Variants in PRKCH observed in about 807,000 individuals in gnomAD.
PRKCH encodes protein kinase C eta, also known as protein kinase C eta type.
A neutral mutation model predicts 82.5 loss-of-function variants in PRKCH; 28 were observed. The observed-to-expected ratio is 0.34, with a 90% confidence interval of 0.25 to 0.47. PRKCH has a LOEUF of 0.47. Among genes scored for constraint, PRKCH ranks in the 20% least tolerant of loss-of-function variants. The pLI is 1.00. For synonymous variants in PRKCH, 322 were observed against 327.4 expected (o/e 0.98, Z 0.18); for missense variants, 705 against 881.8 (o/e 0.80, Z 2.54).
intron 10 of PRKCH, chr14:61,492,370 TAG>T (rs1055402924): frequency 6.6e-6 from 1 of 152,224 alleles, no homozygotes; most frequent in African/African-American, 2.4e-5. Flanking sequence ...TATAAAATAT[TAG>T]AGCCAGAGGA....
chr14:61,467,028 AG>A (rs1411620310), intron 9 of PRKCH, among the ~76,000 whole-genome samples: 5 of 152,226 alleles, frequency 3.3e-5, no homozygotes, highest in Non-Finnish European at 7.4e-5. Context: ...TTGAGTGCAA[AG>A]GAACATTCTT....
intron 3 of PRKCH, among the ~76,000 whole-genome samples, chr14:61,444,885 G>A (rs901475297): frequency 6.6e-6 from 1 of 152,248 alleles, no homozygotes; most frequent in Non-Finnish European, 1.5e-5. Flanking sequence ...GCCCTGTGCA[G>A]TAGGAACGGT....
intron 1 of PRKCH, among the ~76,000 whole-genome samples, chr14:61,277,189 G>A (rs931786142): frequency 6.6e-6 from 1 of 152,136 alleles, no homozygotes; most frequent in African/African-American, 2.4e-5. Flanking sequence ...GCAACACAGT[G>A]AGACTCTGTC....
At chr14:61,236,350 A>G (rs536645414) in intron 1 of PRKCH, among the ~76,000 whole-genome samples, 27 of 152,320 alleles carry the variant, frequency 1.8e-4, no homozygotes, top group Admixed American at 1.3e-3. Flanking sequence ...AAGTCACAGG[A>G]TGAGCTAGGA....
intron 2 of PRKCH, among the ~76,000 whole-genome samples, chr14:61,433,441 CAT>C (rs1447249104): frequency 6.6e-6 from 1 of 152,092 alleles, no homozygotes. Context: ...CAGCAGGAAA[CAT>C]ATGTTTATCT....
At chr14:61,477,260 A>G (rs904378441) in intron 9 of PRKCH, 1 of 152,238 alleles carries the variant, frequency 6.6e-6, no homozygotes, top group Non-Finnish European at 1.5e-5. Flanking sequence ...GTAAGAATAG[A>G]TGTGGCTCCC....
intron 12 of PRKCH, among the ~76,000 whole-genome samples, chr14:61,546,237 TTA>T (rs1269304045): frequency 6.6e-6 from 1 of 152,214 alleles, no homozygotes; most frequent in Non-Finnish European, 1.5e-5. Flanking sequence ...ACTGAGTTAC[TTA>T]TAATATGCAT....
At chr14:61,426,345 A>AT (rs1205122195) in intron 2 of PRKCH, among the ~76,000 whole-genome samples, 1 of 92,468 alleles carries the variant, frequency 1.1e-5, no homozygotes, top group Non-Finnish European at 2.1e-5. Flanking sequence ...AATGAAAACA[A>AT]TTTTTTTAAT....
intron 1 of PRKCH, among the ~76,000 whole-genome samples, chr14:61,297,220 A>T (rs1321809038): frequency 6.6e-6 from 1 of 152,228 alleles, no homozygotes; most frequent in Admixed American, 6.5e-5. Context: ...TATGGTTTCA[A>T]TCAGGGTAGA....
At chr14:61,292,285 G>A (rs1475732386) in intron 1 of PRKCH, among the ~76,000 whole-genome samples, 2 of 145,208 alleles carry the variant, frequency 1.4e-5, no homozygotes, top group South Asian at 2.2e-4. Flanking sequence ...AGGAGTTCAA[G>A]ACCAGCCTAG....
At chr14:61,478,821 AC>A (rs1885841337) in intron 9 of PRKCH, among the ~76,000 whole-genome samples, 1 of 152,294 alleles carries the variant, frequency 6.6e-6, no homozygotes, top group Non-Finnish European at 1.5e-5. Context: ...TGATCCTGCC[AC>A]TGCCCTCCAG....
Position 61,529,202 on chromosome 14 carries a change from A to G in PRKCH, c.1561A>G (p.Ile521Val). 1 of 1,613,006 alleles carries G rather than the reference A, an allele frequency of 6.2e-7. No individual in the cohort carries two copies. Among genetic ancestry groups the G allele is most frequent in the Non-Finnish European group, 8.5e-7 (1 of 1,179,362 alleles). The change falls in exon 11 of 14, where the codon ATC (isoleucine) becomes GTC (valine). Residue 521 changes from isoleucine to valine, a missense_variant. Physicochemically the swap from Ile to Val is conservative, Grantham distance 29 (BLOSUM62 3). Around this residue, in one of 5 missense-constraint regions of PRKCH, gnomAD observed 115 missense variants for 193.8 expected, o/e 0.59. Transcript: ENST00000332981. Reference protein sequence around the residue: ...TATFCGTPDYIAPEILQEMLY... With the variant: ...TATFCGTPDYVAPEILQEMLY... Reference sequence around the variant, plus strand: ...CACATTCTGTGGCACGCCAGACTATATCGCTCCAGAGGTGAGTGCAGCTGC... The same window carrying G: ...CACATTCTGTGGCACGCCAGACTATGTCGCTCCAGAGGTGAGTGCAGCTGC...
rs115528235 is a variant in PRKCH, at chr14:61,262,277, C to T, written c.-19+74609C>T. On this transcript the variant is annotated intron_variant, in intron 1 of 3. Transcript: ENST00000555185. The stretch of plus-strand genomic sequence containing the variant: ...ACTCATAATAGCTCCAAACTGGAAA[C>T]AGCCCAGACGTCCATTCATAGTAGA... Among the ~76,000 whole-genome samples, 1,165 of 146,984 alleles carry T rather than the reference C, an allele frequency of 7.9e-3. 14 individuals carry two copies. The highest frequency in any genetic ancestry group is 0.028 in the African/African-American group (1,104 of 39,104).
At chr14:61,530,355 A>G in intron 11 of PRKCH, 52 bp from the exon 12 acceptor site, 7 of 1,438,860 alleles carry the variant, frequency 4.9e-6, no homozygotes, top group South Asian at 1.7e-5. Flanking sequence ...TGAAGAACAC[A>G]TTTGTTAATC....
At position 61,312,857 on chromosome 14, in the gene PRKCH, A is replaced by G. The variant is rs1045986860; in HGVS notation, c.-19+125189A>G. ...CGCGATCTGGGTGGCACACAGCCAAACCATATCACTCTCCCCCCGCCTCCC... is the reference window on the plus strand; with the variant it reads ...CGCGATCTGGGTGGCACACAGCCAAGCCATATCACTCTCCCCCCGCCTCCC... On this transcript the variant is annotated intron_variant, in intron 1 of 3. Coordinates refer to the PRKCH transcript ENST00000555185. 5.3e-5 allele frequency among the ~76,000 whole-genome samples: 8 copies of G among 152,160 alleles called. 1 individual carries two copies. The East Asian group carries it at 1.3e-3, about 26-fold the overall frequency.
chr14:61,312,036 G>C (rs1225120066), intron 1 of PRKCH, among the ~76,000 whole-genome samples: 1 of 152,172 alleles, frequency 6.6e-6, no homozygotes, highest in African/African-American at 2.4e-5. Context: ...CCCTTGACAT[G>C]TGGGGATTAC....
intron 2 of PRKCH, among the ~76,000 whole-genome samples, chr14:61,410,802 G>T (rs1486917699): frequency 6.6e-6 from 1 of 152,148 alleles, no homozygotes; most frequent in Non-Finnish European, 1.5e-5. Context: ...CAGGTCCCTT[G>T]GGTGGTCACA....
intron 2 of PRKCH, among the ~76,000 whole-genome samples, chr14:61,427,167 G>A (rs1389082756): frequency 2.0e-5 from 3 of 152,136 alleles, no homozygotes; most frequent in African/African-American, 7.2e-5. Context: ...GTGGGGAGTT[G>A]TATGGGGGAG....
chr14:61,330,414 G>A (rs1260488170), intron 1 of PRKCH, among the ~76,000 whole-genome samples: 1 of 152,188 alleles, frequency 6.6e-6, no homozygotes, highest in Non-Finnish European at 1.5e-5. Flanking sequence ...GGAAAGTTTG[G>A]GAGGGAACTG....
Sources: allele counts gnomAD v4.1 joint callset (sites outside exome capture counted in the v4.1 genomes callset), GRCh38; gene constraint gnomAD v4.1.1; regional missense constraint gnomAD v4.1.1; transcripts MANE v1.5; gene names NCBI Gene and HGNC (gene_info 2026-07-23, HGNC 2026-07-21).